The following TRIO variants were observed in gnomAD, a reference collection of about 807,000 sequenced individuals.
TRIO encodes the protein trio Rho guanine nucleotide exchange factor.
In TRIO, 58 loss-of-function variants were observed where a neutral mutation model predicts 351.9. That is an observed-to-expected ratio of 0.16 (90% confidence interval 0.13 to 0.21). The LOEUF (loss-of-function observed/expected upper bound fraction) is 0.21. TRIO is among the 10% of genes least tolerant of loss of function. TRIO has a pLI of 1.00. For synonymous variants in TRIO, 1,758 were observed against 1,595.7 expected (o/e 1.10, Z -2.42); for missense variants, 3,201 against 4,027.8 (o/e 0.79, Z 5.56).
chr5:14,409,621 T>A (rs552125911), intron 33 of TRIO, among the ~76,000 whole-genome samples: 1 of 151,924 alleles, frequency 6.6e-6, no homozygotes, highest in Non-Finnish European at 1.5e-5. Context: ...GATCACGAGG[T>A]CAGGAGATCG....
chr5:14,307,722 C>G (rs957497941), intron 8 of TRIO, among the ~76,000 whole-genome samples: 3 of 152,246 alleles, frequency 2.0e-5, no homozygotes, highest in African/African-American at 7.2e-5. Context: ...ATACCAGTCT[C>G]TGTTTCTCAT....
rs754432330 is a variant in TRIO at position 14,476,912 on chromosome 5, A to G, written c.6102A>G (p.Leu2034=). The G allele has an allele frequency of 1.9e-6, 3 of 1,613,934 alleles. No homozygotes were observed. The highest frequency in any genetic ancestry group is 2.5e-6 in the Non-Finnish European group (3 of 1,179,892). ...TTTCCAGCTTTTTTTTAGGAGAGTTAGAGAAGTGCCTTGAAGATCCAGAAA... is the reference window on the plus strand; with the variant it reads ...TTTCCAGCTTTTTTTTAGGAGAGTTGGAGAAGTGCCTTGAAGATCCAGAAA... The part of the protein sequence containing the change: ...DWHRDFFLGE[L]EKCLEDPEKL... Residue 2034 remains leucine, a synonymous_variant, in exon 41 of 57, where the codon TTA becomes TTG. Transcript: ENST00000344204.
chr5:14,238,756 C>T (rs1345220522), intron 1 of TRIO, among the ~76,000 whole-genome samples: 1 of 152,116 alleles, frequency 6.6e-6, no homozygotes, highest in Non-Finnish European at 1.5e-5. Context: ...TTTGGAAAGG[C>T]CCTGGTGGGG....
At chr5:14,214,575 T>A (rs895279014) in intron 1 of TRIO, among the ~76,000 whole-genome samples, 1 of 152,230 alleles carries the variant, frequency 6.6e-6, no homozygotes, top group Non-Finnish European at 1.5e-5. Context: ...ATCTACCGGA[T>A]GTTATTAGCA....
intron 7 of TRIO, among the ~76,000 whole-genome samples, chr5:14,299,082 C>A (rs979580985): frequency 1.3e-5 from 2 of 151,958 alleles, no homozygotes; most frequent in Non-Finnish European, 2.9e-5. Flanking sequence ...GTAAATAAAC[C>A]CAGAGATTAA....
In TRIO at chr5:14,211,951, C is replaced by CAA. The variant is rs1304747623; in HGVS notation, c.158-58864_158-58863dup. On this transcript the variant is annotated intron_variant, in intron 1 of 56. Transcript: ENST00000344204. ...ACACAGTGGTGAGACCCCATCTCTC[C>CAA]AAAAAAAAAAACCAAAAAAACAAAA... Among the ~76,000 whole-genome samples the CAA allele has an allele frequency of 8.1e-3, 558 of 69,108 alleles. 2 individuals carry two copies. Among genetic ancestry groups the CAA allele is most frequent in the African/African-American group, 0.023 (538 of 23,894 alleles). The allele number at this position is 69,108 out of a possible 152,430, so 45.3% of individuals were successfully genotyped here.
chr5:14,489,094 G>C (rs755297637), intron 48 of TRIO: 2 of 764,228 alleles, frequency 2.6e-6, no homozygotes, highest in Non-Finnish European at 4.8e-6. Flanking sequence ...CTGTTCTAAT[G>C]AGTGTATGTT....
intron 19 of TRIO, 94 bp downstream of exon 19, chr5:14,374,437 A>G (rs566524370): frequency 4.8e-4 from 385 of 796,036 alleles, no homozygotes; most frequent in Non-Finnish European, 6.2e-4. Context: ...TCTCAACTTC[A>G]GTTTCATTTT....
chr5:14,325,800 G>A (rs1740329607), intron 9 of TRIO, among the ~76,000 whole-genome samples: 1 of 152,196 alleles, frequency 6.6e-6, no homozygotes, highest in Admixed American at 6.5e-5. Context: ...TTTACAAATA[G>A]CTTATACAGG....
chr5:14,311,155 T>A (rs1053148692), intron 8 of TRIO, among the ~76,000 whole-genome samples: 1 of 152,218 alleles, frequency 6.6e-6, no homozygotes, highest in African/African-American at 2.4e-5. Context: ...ACTTGAAATA[T>A]AAGAGCAGCA....
intron 2 of TRIO, among the ~76,000 whole-genome samples, chr5:14,274,306 T>C (rs1313389965): frequency 6.6e-6 from 1 of 151,446 alleles, no homozygotes; most frequent in Admixed American, 6.6e-5. Context: ...GTTGTATCAC[T>C]GGGTGGTTTA....
At position 14,251,969 on chromosome 5, in the gene TRIO, T is replaced by TTA. The variant is rs1554041669; in HGVS notation, c.158-18856_158-18855insTA. ...CCAGATGGTTTTGAAAGAGGCAACT[T>TTA]AAAAAAAAAAAAAAAAGCCCTTCCC... On this transcript the variant is annotated intron_variant, in intron 1 of 56. Transcript: ENST00000344204. 6.2e-3 allele frequency among the ~76,000 whole-genome samples: 851 copies of TTA among 137,562 alleles called. 8 individuals are homozygous for TTA. Among genetic ancestry groups the TTA allele is most frequent in the African/African-American group, 0.02 (732 of 36,210 alleles). The allele number at this position is 137,562 out of a possible 152,430, so 90.2% of individuals were successfully genotyped here. A position where few individuals can be genotyped will look rare whatever the true frequency, so the allele number is the denominator to read the frequency against.
chr5:14,224,833 G>A (rs245447), intron 1 of TRIO, among the ~76,000 whole-genome samples: 123,652 of 151,804 alleles, frequency 0.81, 50,847 homozygotes, highest in East Asian at 0.99. Flanking sequence ...TAAATGAAAG[G>A]GCAAAAAGTA....
At chr5:14,261,830 TA>T (rs1163860668) in intron 1 of TRIO, among the ~76,000 whole-genome samples, 1 of 152,220 alleles carries the variant, frequency 6.6e-6, no homozygotes, top group Non-Finnish European at 1.5e-5. Flanking sequence ...TGTAAAAACT[TA>T]AGGTAAAAAC....
intron 11 of TRIO, among the ~76,000 whole-genome samples, chr5:14,353,812 G>A (rs1743361769): frequency 6.6e-6 from 1 of 152,214 alleles, no homozygotes; most frequent in South Asian, 2.1e-4. Context: ...TTGCAGTGGA[G>A]TTGCATAGAA....
Position 14,437,686 on chromosome 5 carries a change from AC to A in TRIO, c.5203+17673del, listed in dbSNP as rs1164194119. Among the ~76,000 whole-genome samples, 18 of 99,332 alleles carry A rather than the reference AC, an allele frequency of 1.8e-4. 2 individuals are homozygous for A. Among genetic ancestry groups the A allele is most frequent in the Admixed American group, 8.6e-4 (8 of 9,308 alleles). 65.2% of individuals were successfully genotyped at this position (99,332 alleles called of 152,430 possible). On this transcript the variant is annotated intron_variant, in intron 34 of 56. Transcript: ENST00000344204. ...ACACCAGGCATATTGGATGAGGACC[AC>A]CCCCCCCGCCCCAAGGACCTCATTT... is the stretch of plus-strand genomic sequence containing the variant.
At chr5:14,214,810 A>G (rs1166546723) in intron 1 of TRIO, among the ~76,000 whole-genome samples, 1 of 152,060 alleles carries the variant, frequency 6.6e-6, no homozygotes, top group Non-Finnish European at 1.5e-5. Flanking sequence ...TGTTCTATTT[A>G]TTTCTGACAA....
intron 1 of TRIO, among the ~76,000 whole-genome samples, chr5:14,261,460 A>T (rs61509800): frequency 0.033 from 4,952 of 152,334 alleles, 287 homozygotes; most frequent in African/African-American, 0.11. Flanking sequence ...GACCTGAGAC[A>T]GCAGTGTGGG....
intron 5 of TRIO, among the ~76,000 whole-genome samples, chr5:14,291,788 T>TAAACAAAAAAA (rs1736931211): frequency 9.9e-6 from 1 of 101,018 alleles, no homozygotes; most frequent in Admixed American, 1.2e-4. Context: ...GACTCCGTCT[T>TAAACAAAAAAA]AAAAAAAAAA....
Sources: gnomAD v4.1 joint callset for allele counts (sites outside exome capture counted in the v4.1 genomes callset) on GRCh38, gnomAD v4.1.1 for gene constraint, MANE v1.5 for transcripts, NCBI Gene and HGNC (gene_info 2026-07-23, HGNC 2026-07-21) for gene names.